Variants in NT5DC1 observed in about 807,000 individuals in gnomAD.
NT5DC1 encodes the protein 5'-nucleotidase domain containing 1, also known as 5'-nucleotidase domain-containing protein 1.
NT5DC1 carries 42 observed loss-of-function variants against 59.4 expected under a neutral mutation model. The ratio of observed to expected loss-of-function variants is 0.71; its 90% confidence interval spans 0.55 to 0.92. The LOEUF (loss-of-function observed/expected upper bound fraction) is 0.92. NT5DC1 is among the 40% of genes least tolerant of loss of function. NT5DC1 has a pLI of 0.00. For missense variants in NT5DC1, 501 were observed against 537.1 expected (o/e 0.93, Z 0.66); for synonymous variants, 172 against 188.1 (o/e 0.91, Z 0.70).
chr6:116,103,381 C>T (rs1778702001), intron 1 of NT5DC1, among the ~76,000 whole-genome samples: 1 of 151,744 alleles, frequency 6.6e-6, no homozygotes, highest in East Asian at 1.9e-4. Context: ...AGCAACGGGG[C>T]ACAGAAGGAA....
chr6:116,216,706 T>C (rs1418927233), intron 6 of NT5DC1, among the ~76,000 whole-genome samples: 1 of 152,094 alleles, frequency 6.6e-6, no homozygotes, highest in Non-Finnish European at 1.5e-5. Context: ...AAATCTGTTT[T>C]AATACATTTT....
chr6:116,118,023 T>A (rs746338077), intron 6 of NT5DC1, 78 bp downstream of exon 6: 1 of 783,858 alleles, frequency 1.3e-6, no homozygotes, highest in Non-Finnish European at 2.3e-6. Context: ...GAAAAGTAGG[T>A]ACTTTGCTGT....
At position 116,238,279 on chromosome 6, in the gene NT5DC1, A is replaced by G; in HGVS notation, c.1014A>G (p.Arg338=). The G allele has an allele frequency of 6.2e-7, 1 of 1,613,412 alleles. No individual in the cohort carries two copies. The highest frequency in any genetic ancestry group is 8.5e-7 in the Non-Finnish European group (1 of 1,179,490). The change falls in exon 10 of 12, where the codon AGA becomes AGG. Residue 338 remains arginine (R), a synonymous_variant. Coordinates refer to ENST00000319550, the MANE Select transcript of NT5DC1 (RefSeq NM_152729.3). Reference sequence around the variant, plus strand: ...CAGTCCTCATCCTGGAAGAACTCAGAGGGGATGAAGGCACGAGGAGTCAGA... The same window carrying G: ...CAGTCCTCATCCTGGAAGAACTCAGGGGGGATGAAGGCACGAGGAGTCAGA... The part of the protein sequence containing the change: ...WETVLILEEL[R]GDEGTRSQRP...
chr6:116,225,570 G>A (rs1382515969), intron 8 of NT5DC1, among the ~76,000 whole-genome samples: 1 of 152,212 alleles, frequency 6.6e-6, no homozygotes, highest in African/African-American at 2.4e-5. Flanking sequence ...AAATGAGGAA[G>A]GAGAAATCTT....
rs1245643162 is a variant in NT5DC1 at position 116,121,228 on chromosome 6, A to T, written c.529+3283A>T. On this transcript the variant is annotated intron_variant, in intron 6 of 11. Coordinates refer to ENST00000319550, the MANE Select transcript of NT5DC1 (RefSeq NM_152729.3). Reference sequence around the variant, plus strand: ...CTGGCAAGCCTGGTTTCCCAAAGCCAGGAGGCCCTGGGGGCCCAGCTATTC... The same window carrying T: ...CTGGCAAGCCTGGTTTCCCAAAGCCTGGAGGCCCTGGGGGCCCAGCTATTC... 4 of 1,613,530 alleles carry T rather than the reference A, an allele frequency of 2.5e-6. No homozygotes were observed. The highest frequency in any genetic ancestry group is 3.4e-6 in the Non-Finnish European group (4 of 1,179,784).
chr6:116,132,173 G>A (rs1294293048), intron 6 of NT5DC1, among the ~76,000 whole-genome samples: 1 of 152,108 alleles, frequency 6.6e-6, no homozygotes, highest in African/African-American at 2.4e-5. Flanking sequence ...GTCTTTGGGA[G>A]AGAGTCATAG....
chr6:116,211,070 GC>G (rs1401769670), intron 6 of NT5DC1, among the ~76,000 whole-genome samples: 4 of 152,012 alleles, frequency 2.6e-5, no homozygotes, highest in Admixed American at 6.6e-5. Flanking sequence ...TGCAGCTTTT[GC>G]TTGTCTTAAA....
At chr6:116,235,669 A>G (rs1782101382) in intron 8 of NT5DC1, among the ~76,000 whole-genome samples, 1 of 152,258 alleles carries the variant, frequency 6.6e-6, no homozygotes, top group South Asian at 2.1e-4. Flanking sequence ...TAATTTGTAA[A>G]TCTTAAATTC....
chr6:116,172,366 G>A (rs1484050119), intron 6 of NT5DC1, among the ~76,000 whole-genome samples: 1 of 134,232 alleles, frequency 7.4e-6, no homozygotes, highest in Non-Finnish European at 1.5e-5. Flanking sequence ...CTGTTGCCCA[G>A]GCTGGAGTGC....
intron 6 of NT5DC1, among the ~76,000 whole-genome samples, chr6:116,130,586 C>T (rs978303784): frequency 2.0e-5 from 3 of 151,960 alleles, no homozygotes; most frequent in African/African-American, 4.8e-5. Context: ...ATGTCTGGGT[C>T]CTAGGGATGC....
intron 6 of NT5DC1, among the ~76,000 whole-genome samples, chr6:116,153,010 T>A (rs1433378628): frequency 6.6e-6 from 1 of 152,134 alleles, no homozygotes; most frequent in Admixed American, 6.6e-5. Context: ...TACCACTAAA[T>A]GGCTGAACTA....
chr6:116,135,874 C>CAT (rs1486629590), intron 6 of NT5DC1, among the ~76,000 whole-genome samples: 3 of 53,816 alleles, frequency 5.6e-5, no homozygotes, highest in Non-Finnish European at 8.3e-5. Flanking sequence ...TATATATATA[C>CAT]ACACATACAC....
At chr6:116,163,141 A>AAAAAAAAAATATATAT (rs761718922) in intron 6 of NT5DC1, among the ~76,000 whole-genome samples, 11 of 88,396 alleles carry the variant, frequency 1.2e-4, no homozygotes, top group African/African-American at 6.3e-4. Context: ...AAAAAAAAAA[A>AAAAAAAAAATATATAT]ATATATATAT....
intron 5 of NT5DC1, among the ~76,000 whole-genome samples, chr6:116,117,484 C>G (rs576893834): frequency 1.3e-5 from 2 of 152,214 alleles, no homozygotes; most frequent in East Asian, 3.9e-4. Context: ...GTCAAAAATA[C>G]TATAAATCCA....
intron 6 of NT5DC1, among the ~76,000 whole-genome samples, chr6:116,182,462 A>C (rs535157945): frequency 3.3e-5 from 5 of 152,200 alleles, no homozygotes; most frequent in African/African-American, 1.2e-4. Flanking sequence ...GAATCTCCAC[A>C]CTGTTTTCCA....
At chr6:116,106,844 C>G (rs1321611263) in intron 2 of NT5DC1, among the ~76,000 whole-genome samples, 1 of 152,112 alleles carries the variant, frequency 6.6e-6, no homozygotes, top group Non-Finnish European at 1.5e-5. Context: ...GTTTGTCTTC[C>G]TCATTTAGAT....
At chr6:116,143,840 A>C (rs968231583) in intron 6 of NT5DC1, among the ~76,000 whole-genome samples, 1 of 152,178 alleles carries the variant, frequency 6.6e-6, no homozygotes, top group African/African-American at 2.4e-5. Context: ...ATTTATTGCA[A>C]CATTGTCAAG....
chr6:116,134,193 A>G (rs955657381), intron 6 of NT5DC1, among the ~76,000 whole-genome samples: 7 of 152,214 alleles, frequency 4.6e-5, no homozygotes, highest in Non-Finnish European at 1.0e-4. Context: ...TATCTCTGAT[A>G]TTAGACAGTC....
chr6:116,182,212 T>G (rs535069232), intron 6 of NT5DC1, among the ~76,000 whole-genome samples: 1 of 147,576 alleles, frequency 6.8e-6, no homozygotes, highest in East Asian at 1.9e-4. Context: ...CTGAGTAGTA[T>G]TCCATGGAGA....
Sources: allele counts gnomAD v4.1 joint callset (sites outside exome capture counted in the v4.1 genomes callset), GRCh38; gene constraint gnomAD v4.1.1; transcripts MANE v1.5; gene names NCBI Gene and HGNC (gene_info 2026-07-23, HGNC 2026-07-21).